The following SHC3 variants were observed in gnomAD, a reference collection of about 807,000 sequenced individuals.
SHC3 encodes SHC adaptor protein 3, also known as SHC-transforming protein 3.
Under a neutral mutation model 60.4 loss-of-function variants are expected in SHC3, and 15 were observed. The observed-to-expected ratio is 0.25, with a 90% CI of 0.17 to 0.38. The LOEUF (loss-of-function observed/expected upper bound fraction) is 0.38, where lower values mean the gene tolerates loss of function less well. Ranked by LOEUF, SHC3 falls within the 10% of genes least tolerant of loss-of-function variation. SHC3 has a pLI of 1.00. For synonymous variants in SHC3, 294 were observed against 325.9 expected (o/e 0.90, Z 1.05); for missense variants, 677 against 786.1 (o/e 0.86, Z 1.66).
chr9:89,072,010 G>A (rs1175795808), intron 4 of SHC3, among the ~76,000 whole-genome samples: 5 of 152,088 alleles, frequency 3.3e-5, no homozygotes, highest in Non-Finnish European at 7.4e-5. Flanking sequence ...TTTTTCTCTT[G>A]ATGCTAAATG....
intron 1 of SHC3, among the ~76,000 whole-genome samples, chr9:89,121,809 T>C (rs555735597): frequency 6.6e-6 from 1 of 152,226 alleles, no homozygotes; most frequent in South Asian, 2.1e-4. Flanking sequence ...TTTAAAGTAA[T>C]GGGGGAAAAG....
intron 1 of SHC3, among the ~76,000 whole-genome samples, chr9:89,158,591 C>G (rs1319744301): frequency 6.6e-6 from 1 of 152,080 alleles, no homozygotes; most frequent in East Asian, 1.9e-4. Flanking sequence ...TCTAGTAGTT[C>G]CATCAATGGC....
At chr9:89,025,296 A>C (rs1587680210) in intron 11 of SHC3, among the ~76,000 whole-genome samples, 1 of 151,748 alleles carries the variant, frequency 6.6e-6, no homozygotes, top group African/African-American at 2.4e-5. Context: ...GAGAGACCCC[A>C]CCCCACCTCC....
At chr9:89,118,100 T>C (rs1288350738) in intron 1 of SHC3, among the ~76,000 whole-genome samples, 1 of 152,196 alleles carries the variant, frequency 6.6e-6, no homozygotes, top group Non-Finnish European at 1.5e-5. Context: ...TAGATTCTGA[T>C]TGAAATTTCA....
At chr9:89,035,147 G>A (rs917090272) in intron 11 of SHC3, among the ~76,000 whole-genome samples, 2 of 152,162 alleles carry the variant, frequency 1.3e-5, no homozygotes, top group African/African-American at 2.4e-5. Flanking sequence ...CCACGATTGC[G>A]ATGGCCCTCT....
chr9:89,108,419 G>C lies in SHC3; in HGVS notation c.545+4137C>G, dbSNP rs190204988. Among the ~76,000 whole-genome samples the C allele has an allele frequency of 5.6e-4, 85 of 152,190 alleles. 1 individual carries two copies. The East Asian group carries it at 0.016, about 29-fold the overall frequency. ...ACCTGTGGTCCCAGCTACTCAGGAG[G>C]CTGAGGTGGGAGGATCACTTGAGCC... On this transcript the variant is annotated intron_variant, in intron 2 of 11. Coordinates refer to ENST00000375835, the MANE Select transcript of SHC3 (RefSeq NM_016848.6).
intron 1 of SHC3, among the ~76,000 whole-genome samples, chr9:89,140,196 AG>A (rs1826372487): frequency 6.6e-6 from 1 of 152,194 alleles, no homozygotes. Context: ...AATACATGAC[AG>A]AAGAAGACCC....
chr9:89,035,856 T>TATA (rs1317555722), intron 11 of SHC3, among the ~76,000 whole-genome samples: 1 of 88,992 alleles, frequency 1.1e-5, no homozygotes, highest in African/African-American at 4.2e-5. Context: ...TATAGATGTG[T>TATA]GTGTGTGTGT....
chr9:89,050,250 G>C (rs1311356291), intron 7 of SHC3, among the ~76,000 whole-genome samples: 4 of 152,142 alleles, frequency 2.6e-5, no homozygotes, highest in Admixed American at 2.0e-4. Flanking sequence ...ATATCCTGGA[G>C]TTGTGTATAG....
At chr9:89,079,418 AC>A (rs1281924709) in intron 2 of SHC3, among the ~76,000 whole-genome samples, 1 of 152,212 alleles carries the variant, frequency 6.6e-6, no homozygotes, top group Non-Finnish European at 1.5e-5. Flanking sequence ...AGGCAGCTAA[AC>A]CTCTGATGGT....
intron 1 of SHC3, among the ~76,000 whole-genome samples, chr9:89,151,519 G>C (rs1826545664): frequency 6.6e-6 from 1 of 152,122 alleles, no homozygotes; most frequent in Non-Finnish European, 1.5e-5. Context: ...GAATTTGCTG[G>C]TGTTTTGATC....
intron 1 of SHC3, among the ~76,000 whole-genome samples, chr9:89,164,217 T>C (rs575158793): frequency 2.2e-4 from 33 of 152,294 alleles, no homozygotes; most frequent in Non-Finnish European, 1.0e-4. Flanking sequence ...GGCTCCGGCA[T>C]TGGGCATCTG....
At chr9:89,077,184 CA>C (rs113802144) in intron 3 of SHC3, among the ~76,000 whole-genome samples, 17 of 132,140 alleles carry the variant, frequency 1.3e-4, no homozygotes, top group Non-Finnish European at 1.5e-4. Context: ...CTCAAAAAAA[CA>C]AAAAAAAAAA....
chr9:89,112,753 G>T (rs34591219), intron 1 of SHC3, 127 bp from the exon 2 acceptor site: 1 of 716,786 alleles, frequency 1.4e-6, no homozygotes, highest in Non-Finnish European at 2.1e-6. Flanking sequence ...TTAAATTCTA[G>T]GGTGAGGCTT....
At chr9:89,089,191 C>T (rs564980507) in intron 2 of SHC3, among the ~76,000 whole-genome samples, 1 of 152,294 alleles carries the variant, frequency 6.6e-6, no homozygotes, top group African/African-American at 2.4e-5. Flanking sequence ...CATCTTAGTC[C>T]TTATCTCTGA....
At chr9:89,136,186 A>G (rs1400298496) in intron 1 of SHC3, among the ~76,000 whole-genome samples, 2 of 152,132 alleles carry the variant, frequency 1.3e-5, no homozygotes, top group East Asian at 3.9e-4. Context: ...TCCCTCTTCA[A>G]CCCTTAGGAT....
intron 5 of SHC3, among the ~76,000 whole-genome samples, chr9:89,069,676 G>A (rs1285443966): frequency 1.3e-5 from 2 of 152,252 alleles, no homozygotes; most frequent in Non-Finnish European, 2.9e-5. Flanking sequence ...CTGAGAAGCA[G>A]CAGGGCCCAA....
At position 89,103,823 on chromosome 9, in the gene SHC3, A is replaced by G. The variant is rs111637059; in HGVS notation, c.545+8733T>C. Among the ~76,000 whole-genome samples, 1,176 of 152,308 alleles carry G rather than the reference A, an allele frequency of 7.7e-3. 20 individuals are homozygous for G. Among genetic ancestry groups the G allele is most frequent in the African/African-American group, 0.027 (1,113 of 41,568 alleles). On this transcript the variant is annotated intron_variant, in intron 2 of 11. Transcript: ENST00000375835. The stretch of plus-strand genomic sequence containing the variant: ...ACTTAAGTCATGTGCACAAGGTCAC[A>G]TTGCTGGAAAACTGTGGATCCTAGA...
intron 9 of SHC3, among the ~76,000 whole-genome samples, chr9:89,044,998 G>C (rs562960577): frequency 8.3e-4 from 126 of 152,288 alleles, no homozygotes; most frequent in Non-Finnish European, 1.5e-3. Context: ...TGAGTAAAGG[G>C]AAGGAGAACG....
Sources: allele counts gnomAD v4.1 joint callset (sites outside exome capture counted in the v4.1 genomes callset), GRCh38; gene constraint gnomAD v4.1.1; transcripts MANE v1.5; gene names NCBI Gene and HGNC (gene_info 2026-07-23, HGNC 2026-07-21).